ZNF2: variants seen among roughly 807,000 people sequenced by gnomAD.
The protein encoded by ZNF2 is zinc finger protein 2.
A neutral mutation model predicts 21.9 loss-of-function variants in ZNF2; 12 were observed. The ratio of observed to expected loss-of-function variants is 0.55; its 90% CI spans 0.35 to 0.89. ZNF2 has a LOEUF of 0.89. Among genes scored for constraint, ZNF2 ranks in the 40% least tolerant of loss-of-function variants. The pLI is 0.01. For synonymous variants in ZNF2, 186 were observed against 196.3 expected, an observed-to-expected ratio of 0.95 and a Z score of 0.44; for missense variants, 462 against 544.2, an observed-to-expected ratio of 0.85 and a Z score of 1.50.
chr2:95,169,763 A>G (rs1000000009), intron 1 of ZNF2, among the ~76,000 whole-genome samples: 2 of 151,920 alleles, frequency 1.3e-5, no homozygotes, highest in African/African-American at 4.8e-5. Context: ...AAAAACAAAC[A>G]AAAAAATGCA....
chr2:95,177,380 C>A, intron 2 of ZNF2, 103 bp from the exon 3 acceptor site: 2 of 1,379,854 alleles, frequency 1.4e-6, no homozygotes, highest in Non-Finnish European at 2.0e-6. Flanking sequence ...GTTTTTCTTT[C>A]CTCCCACCAT....
chr2:95,167,016 G>A, intron 1 of ZNF2, among the ~76,000 whole-genome samples: 1 of 152,172 alleles, frequency 6.6e-6, no homozygotes, highest in East Asian at 1.9e-4. Context: ...CTTTCTGAGG[G>A]ATGGCAAAAA....
At chr2:95,178,049 C>T (rs866565614) in intron 3 of ZNF2, among the ~76,000 whole-genome samples, 3 of 152,106 alleles carry the variant, frequency 2.0e-5, no homozygotes, top group Admixed American at 6.5e-5. Context: ...GCCATCTTGT[C>T]GGAATTCAGG....
In ZNF2 at chr2:95,181,984, C is replaced by T. The variant is rs1415058784; in HGVS notation, c.1156C>T (p.Arg386Trp). 14 of 1,614,288 alleles carry T rather than the reference C, an allele frequency of 8.7e-6. No homozygotes were observed. Among genetic ancestry groups the T allele is most frequent in the Non-Finnish European group, 1.1e-5 (13 of 1,180,050 alleles). ...KAFSQRCRLTRHQRVHTGEKP... is the reference protein window; with the variant it reads ...KAFSQRCRLTWHQRVHTGEKP... ...CTTTAGCCAGCGGTGCCGGCTCACG[C>T]GGCATCAGCGTGTCCACACGGGAGA... Residue 386 changes from arginine (R) to tryptophan (W), a missense_variant, in exon 5 of 5, where the codon CGG (arginine) becomes TGG (tryptophan). Coordinates refer to ENST00000614034, the MANE Select transcript of ZNF2 (RefSeq NM_021088.4).
At chr2:95,177,660 G>T in intron 3 of ZNF2, 51 bp downstream of exon 3, 1 of 1,565,254 alleles carries the variant, frequency 6.4e-7, no homozygotes, top group Non-Finnish European at 8.7e-7. Flanking sequence ...CTAATGTGGG[G>T]CTGAGAGGGC....
chr2:95,169,587 C>T lies in ZNF2; in HGVS notation c.-40+3727C>T, dbSNP rs574859625. On this transcript the variant is annotated intron_variant, in intron 1 of 4. Transcript: ENST00000614034. ...CCGGCCAAGATGGTGAAACCCTCTACAAAAATACAAAAATTAGCCAGGCAT... is the reference window on the plus strand; with the variant it reads ...CCGGCCAAGATGGTGAAACCCTCTATAAAAATACAAAAATTAGCCAGGCAT... Among the ~76,000 whole-genome samples, 5 of 152,040 alleles carry T rather than the reference C, an allele frequency of 3.3e-5. No individual in the cohort carries two copies. In the South Asian group the frequency reaches 8.3e-4, roughly 25 times the overall value.
At chr2:95,178,259 C>CGA (rs1177003896) in intron 3 of ZNF2, among the ~76,000 whole-genome samples, 1 of 152,070 alleles carries the variant, frequency 6.6e-6, no homozygotes, top group Non-Finnish European at 1.5e-5. Flanking sequence ...AGGAGCTTCA[C>CGA]GAGAGGCTGA....
Position 95,183,890 on chromosome 2 carries a change from G to C in ZNF2, c.*1784G>C, listed in dbSNP as rs2104514963. 6.6e-6 allele frequency: 1 copy of C among 152,146 alleles called. No homozygotes were observed. The highest frequency in any genetic ancestry group is 6.5e-5 in the Admixed American group (1 of 15,268). The allele number at this position is 152,146 out of a possible 1,614,324, so 9.4% of individuals were successfully genotyped here. Reference sequence around the variant, plus strand: ...CCGCCTCGGCCTCCCAAAGTGCTGGGATTACAGACGTAAGTCACCGTGCCC... The same window carrying C: ...CCGCCTCGGCCTCCCAAAGTGCTGGCATTACAGACGTAAGTCACCGTGCCC... On this transcript the variant is annotated 3_prime_UTR_variant, in exon 5 of 5. Transcript: ENST00000614034.
chr2:95,170,699 A>C (rs1017577291), intron 1 of ZNF2, among the ~76,000 whole-genome samples: 56 of 152,330 alleles, frequency 3.7e-4, no homozygotes, highest in African/African-American at 1.3e-3. Flanking sequence ...TTTGATTCAT[A>C]AGTCTAGCTG....
In ZNF2 at chr2:95,173,107, G is replaced by A. The variant is rs534784981; in HGVS notation, c.-39-3081G>A. 5.7e-4 allele frequency among the ~76,000 whole-genome samples: 86 copies of A among 151,268 alleles called. 1 individual carries two copies. The highest frequency in any genetic ancestry group is 1.9e-3 in the African/African-American group (78 of 41,220). Reference sequence around the variant, plus strand: ...TCCCATGTGTTAATAGATTTTTGTAGGTATTATTTACCTGTTTTTAAATTT... The same window carrying A: ...TCCCATGTGTTAATAGATTTTTGTAAGTATTATTTACCTGTTTTTAAATTT... On this transcript the variant is annotated intron_variant, in intron 1 of 4. Transcript: ENST00000614034.
chr2:95,177,486 T>A lies in ZNF2; in HGVS notation c.37T>A (p.Ser13Thr). 6.2e-7 allele frequency: 1 copy of A among 1,613,776 alleles called. No homozygotes were observed. The highest frequency in any genetic ancestry group is 8.5e-7 in the Non-Finnish European group (1 of 1,179,806). ...GAGAATGTGATTGTATTTTCAGGAA[T>A]CAGTGACATTCGAAGACGTTGCCGT... Reference protein sequence around the residue: ...AVSPTTRCQESVTFEDVAVVF... With the variant: ...AVSPTTRCQETVTFEDVAVVF... Residue 13 changes from serine to threonine, a missense_variant, in exon 3 of 5, where the codon TCA becomes ACA. Transcript: ENST00000614034.
chr2:95,178,985 T>C (rs1164889733), intron 3 of ZNF2, among the ~76,000 whole-genome samples: 1 of 149,370 alleles, frequency 6.7e-6, no homozygotes, highest in East Asian at 1.9e-4. Context: ...CCAGGTTTGG[T>C]TTTTTTTGTT....
At chr2:95,180,103 G>C (rs1300855573) in intron 3 of ZNF2, 56 bp from the exon 4 acceptor site, 1 of 1,217,838 alleles carries the variant, frequency 8.2e-7, no homozygotes, top group Non-Finnish European at 1.2e-6. Flanking sequence ...CTTTGGGAGA[G>C]TGATATTATT....
intron 1 of ZNF2, among the ~76,000 whole-genome samples, chr2:95,175,582 T>C (rs1421305063): frequency 6.6e-6 from 1 of 152,170 alleles, no homozygotes; most frequent in Non-Finnish European, 1.5e-5. Context: ...CACCCACTTG[T>C]CCTGACATTT....
At chr2:95,175,519 C>T (rs1045260527) in intron 1 of ZNF2, among the ~76,000 whole-genome samples, 1 of 152,168 alleles carries the variant, frequency 6.6e-6, no homozygotes, top group Non-Finnish European at 1.5e-5. Flanking sequence ...CTTTGGTTCC[C>T]CGATCCTTGT....
intron 4 of ZNF2, 68 bp from the exon 5 acceptor site, chr2:95,181,035 G>A: frequency 1.3e-6 from 2 of 1,541,382 alleles, no homozygotes; most frequent in Non-Finnish European, 1.8e-6. Flanking sequence ...ACTCATCGGA[G>A]CATCTCTTCT....
chr2:95,167,225 C>T (rs1179671476), intron 1 of ZNF2, among the ~76,000 whole-genome samples: 1 of 152,152 alleles, frequency 6.6e-6, no homozygotes, highest in Non-Finnish European at 1.5e-5. Flanking sequence ...ATAATATGGC[C>T]GGGCACAGTG....
At chr2:95,175,879 T>C (rs1453120180) in intron 1 of ZNF2, among the ~76,000 whole-genome samples, 1 of 152,202 alleles carries the variant, frequency 6.6e-6, no homozygotes, top group East Asian at 1.9e-4. Flanking sequence ...TTCAGGGCAA[T>C]ATTGAATGTG....
chr2:95,181,206 A>G lies in ZNF2; in HGVS notation c.378A>G (p.Glu126=). The change falls in exon 5 of 5, where the codon GAA becomes GAG. Residue 126 remains glutamate, a synonymous_variant. Transcript: ENST00000614034. ...AAAGTCCTCTGTGTCCTAAATTTGA[A>G]GTTCATACACCCAATGGCAGGATGG... ...GRQSPLCPKF[E]VHTPNGRMGT... 1 of 1,614,218 alleles carries G rather than the reference A, an allele frequency of 6.2e-7. No individual in the cohort carries two copies. The highest frequency in any genetic ancestry group is 8.5e-7 in the Non-Finnish European group (1 of 1,180,036).
Sources: gnomAD v4.1 joint callset for allele counts (sites outside exome capture counted in the v4.1 genomes callset) on GRCh38, gnomAD v4.1.1 for gene constraint, MANE v1.5 for transcripts, NCBI Gene and HGNC (gene_info 2026-07-23, HGNC 2026-07-21) for gene names.